Variants in CDH1 observed in about 807,000 individuals in gnomAD.
CDH1 encodes cadherin 1.
CDH1 carries 35 observed loss-of-function variants against 84.5 expected under a neutral mutation model. The ratio of observed to expected loss-of-function variants is 0.41; its 90% CI spans 0.32 to 0.55. The LOEUF (loss-of-function observed/expected upper bound fraction) is 0.55. Among genes scored for constraint, CDH1 ranks in the 20% least tolerant of loss-of-function variants. The pLI is 0.19. For missense variants in CDH1, 994 were observed against 1,126.6 expected (o/e 0.88, Z 1.68); for synonymous variants, 417 against 439.0 (o/e 0.95, Z 0.63).
In CDH1 at chr16:68,803,004, C is replaced by T. The variant is rs1283600926; in HGVS notation, c.387+1111C>T. Among the ~76,000 whole-genome samples the T allele has an allele frequency of 6.6e-6, 1 of 152,132 alleles. No individual in the cohort carries two copies. The highest frequency in any genetic ancestry group is 1.5e-5 in the Non-Finnish European group (1 of 68,034). ...GATGGATGTCTGCCTGGGTTCTTGGCAGGAATGTTTCTAGGGGTTGTTATT... is the reference window on the plus strand; with the variant it reads ...GATGGATGTCTGCCTGGGTTCTTGGTAGGAATGTTTCTAGGGGTTGTTATT... On this transcript the variant is annotated intron_variant, in intron 3 of 15. Transcript: ENST00000261769.
intron 5 of CDH1, 25 bp downstream of exon 5, chr16:68,808,873 G>C: frequency 6.2e-7 from 1 of 1,612,534 alleles, no homozygotes. Context: ...GAAGCTTGTT[G>C]ACACCGGGGT....
intron 2 of CDH1, among the ~76,000 whole-genome samples, chr16:68,741,784 A>G (rs55817359): frequency 0.027 from 4,102 of 152,230 alleles, 66 homozygotes; most frequent in Non-Finnish European, 0.042. Context: ...AGTTCAAGCA[A>G]TTCTCCTGTC....
chr16:68,771,712 A>G (rs1036662666), intron 2 of CDH1, among the ~76,000 whole-genome samples: 5 of 151,094 alleles, frequency 3.3e-5, no homozygotes, highest in South Asian at 4.2e-4. Context: ...AGATCGCACC[A>G]CTACACTCCA....
At position 68,761,190 on chromosome 16, in the gene CDH1, G is replaced by A. The variant is rs147245259; in HGVS notation, c.163+22779G>A. On this transcript the variant is annotated intron_variant, in intron 2 of 15. Coordinates refer to ENST00000261769, the MANE Select transcript of CDH1 (RefSeq NM_004360.5). ...TGGTTGGGTGAGGCCCTTTTGGCCT[G>A]AAGGCTAGCAAGCTGGGAGAACTTG... is the stretch of plus-strand genomic sequence containing the variant. 3.7e-3 allele frequency among the ~76,000 whole-genome samples: 560 copies of A among 152,350 alleles called. 3 individuals carry two copies. The highest frequency in any genetic ancestry group is 6.5e-3 in the Non-Finnish European group (439 of 68,036).
chr16:68,815,286 T>C (rs1476240663), intron 9 of CDH1, among the ~76,000 whole-genome samples: 1 of 152,060 alleles, frequency 6.6e-6, no homozygotes, highest in Admixed American at 6.6e-5. Flanking sequence ...TTGAAGTGAC[T>C]GGATCCCTAG....
At chr16:68,811,396 CAAAAAAA>C (rs1158343325) in intron 6 of CDH1, among the ~76,000 whole-genome samples, 2 of 77,766 alleles carry the variant, frequency 2.6e-5, no homozygotes, top group East Asian at 4.7e-4. Flanking sequence ...AACTCCGTCT[CAAAAAAA>C]AAAAAAAAAA....
At chr16:68,755,113 C>CA (rs1166978573) in intron 2 of CDH1, among the ~76,000 whole-genome samples, 1 of 151,772 alleles carries the variant, frequency 6.6e-6, no homozygotes, top group African/African-American at 2.4e-5. Context: ...CCCGCCTCTA[C>CA]AAAAAATCCA....
chr16:68,767,319 C>T (rs1020475743), intron 2 of CDH1, among the ~76,000 whole-genome samples: 2 of 152,010 alleles, frequency 1.3e-5, no homozygotes, highest in African/African-American at 2.4e-5. Flanking sequence ...CTCAGCCTCC[C>T]GAGTAGCTGG....
intron 2 of CDH1, among the ~76,000 whole-genome samples, chr16:68,753,980 G>C (rs539016048): frequency 2.0e-5 from 3 of 151,760 alleles, no homozygotes; most frequent in African/African-American, 7.3e-5. Context: ...TTGGCCAGGC[G>C]TAGTGGCAGG....
intron 2 of CDH1, among the ~76,000 whole-genome samples, chr16:68,758,218 T>C (rs1379582775): frequency 2.4e-5 from 3 of 127,420 alleles, no homozygotes; most frequent in Admixed American, 1.5e-4. Context: ...TTTTTTTTTT[T>C]TTTTTTTTTT....
chr16:68,751,345 ACACTACACACT>A (rs1962878910), intron 2 of CDH1, among the ~76,000 whole-genome samples: 1 of 152,106 alleles, frequency 6.6e-6, no homozygotes, highest in Non-Finnish European at 1.5e-5. Flanking sequence ...TACTTAGAAC[ACACTACACACT>A]CTTCTACCTC....
intron 9 of CDH1, chr16:68,814,639 T>C (rs1225006513): frequency 6.6e-6 from 1 of 152,172 alleles, no homozygotes; most frequent in Non-Finnish European, 1.5e-5. Flanking sequence ...CCAGAAACAT[T>C]CTCCTTCCCT....
chr16:68,747,060 G>A (rs926093030), intron 2 of CDH1, among the ~76,000 whole-genome samples: 2 of 152,200 alleles, frequency 1.3e-5, no homozygotes, highest in African/African-American at 2.4e-5. Context: ...CACTCAGGGA[G>A]ATTCCAGAAA....
chr16:68,786,792 T>G (rs1381490847), intron 2 of CDH1, among the ~76,000 whole-genome samples: 1 of 152,160 alleles, frequency 6.6e-6, no homozygotes, highest in East Asian at 1.9e-4. Context: ...AAGTGAGCAC[T>G]TGTTGTACAG....
intron 2 of CDH1, among the ~76,000 whole-genome samples, chr16:68,750,829 C>G (rs1962868711): frequency 6.6e-6 from 1 of 151,840 alleles, no homozygotes; most frequent in Non-Finnish European, 1.5e-5. Context: ...CTCAGCCTCC[C>G]AAGTAGCTGG....
At chr16:68,825,081 A>G (rs187393691) in intron 13 of CDH1, among the ~76,000 whole-genome samples, 1 of 152,160 alleles carries the variant, frequency 6.6e-6, no homozygotes, top group Admixed American at 6.6e-5. Context: ...CTGTCTCTAC[A>G]AAATAAAAAT....
rs187927333 is a variant in CDH1, at chr16:68,768,393, A to G, written c.163+29982A>G. On this transcript the variant is annotated intron_variant, in intron 2 of 15. Coordinates refer to ENST00000261769, the MANE Select transcript of CDH1 (RefSeq NM_004360.5). ...AGATCAGTTGCGTAATTAGGTTTCT[A>G]TGAGTTAAGCATAAATCTGTTCCTT... 4.3e-3 allele frequency among the ~76,000 whole-genome samples: 655 copies of G among 152,356 alleles called. 4 individuals are homozygous for G. The highest frequency in any genetic ancestry group is 6.5e-3 in the Non-Finnish European group (441 of 68,036).
chr16:68,787,918 T>C (rs1013887428), intron 2 of CDH1, among the ~76,000 whole-genome samples: 4 of 149,484 alleles, frequency 2.7e-5, no homozygotes, highest in Non-Finnish European at 4.4e-5. Flanking sequence ...CTCCGCCTCC[T>C]GGGTTCAAGC....
At chr16:68,808,663 C>G (rs768260678) in intron 4 of CDH1, 30 bp from the exon 5 acceptor site, 23 of 1,613,648 alleles carry the variant, frequency 1.4e-5, no homozygotes, top group Non-Finnish European at 1.9e-5. Context: ...TCCTTCTTTA[C>G]TAATTCTTTT....
Sources: gnomAD v4.1 joint callset for allele counts (sites outside exome capture counted in the v4.1 genomes callset) on GRCh38, gnomAD v4.1.1 for gene constraint, MANE v1.5 for transcripts, NCBI Gene and HGNC (gene_info 2026-07-23, HGNC 2026-07-21) for gene names.